Variants in ZNF521 observed in about 807,000 individuals in gnomAD.
ZNF521 encodes zinc finger protein 521.
Under a neutral mutation model 105.5 loss-of-function variants are expected in ZNF521, and 14 were observed. The ratio of observed to expected loss-of-function variants is 0.13; its 90% CI spans 0.09 to 0.21. The LOEUF is 0.21. Ranked by LOEUF, ZNF521 falls within the 10% of genes least tolerant of loss-of-function variation. The pLI is 1.00. For missense variants in ZNF521, 1,233 were observed against 1,629.7 expected, an observed-to-expected ratio of 0.76 and a Z score of 4.19; for synonymous variants, 635 against 606.0, an observed-to-expected ratio of 1.05 and a Z score of -0.70.
chr18:25,332,662 C>G (rs1913644436), intron 2 of ZNF521, among the ~76,000 whole-genome samples: 2 of 152,118 alleles, frequency 1.3e-5, no homozygotes, highest in African/African-American at 4.8e-5. Context: ...TTTAACTGCA[C>G]TTTTCATTTC....
At chr18:25,214,127 C>T (rs1331559719) in intron 4 of ZNF521, among the ~76,000 whole-genome samples, 7 of 152,114 alleles carry the variant, frequency 4.6e-5, no homozygotes. Context: ...TCCCTGTTGA[C>T]ACGATCCCAG....
chr18:25,287,374 A>T (rs986199527), intron 3 of ZNF521, among the ~76,000 whole-genome samples: 3 of 152,200 alleles, frequency 2.0e-5, no homozygotes, highest in Non-Finnish European at 2.9e-5. Flanking sequence ...TTCAGAGTGT[A>T]CTTATTACAG....
chr18:25,176,749 C>T (rs1351794058), intron 5 of ZNF521, among the ~76,000 whole-genome samples: 3 of 152,228 alleles, frequency 2.0e-5, no homozygotes, highest in African/African-American at 7.2e-5. Flanking sequence ...ATTACACCAG[C>T]TTGCCCAAGT....
chr18:25,081,903 T>G (rs560992786), intron 7 of ZNF521, among the ~76,000 whole-genome samples: 1 of 152,318 alleles, frequency 6.6e-6, no homozygotes, highest in African/African-American at 2.4e-5. Flanking sequence ...CATGTCCTGT[T>G]TGTGTCCTAT....
At chr18:25,161,297 G>A (rs2144523503) in intron 5 of ZNF521, among the ~76,000 whole-genome samples, 1 of 152,178 alleles carries the variant, frequency 6.6e-6, no homozygotes, top group East Asian at 1.9e-4. Context: ...TCAACATGAA[G>A]GATTTTAAGT....
chr18:25,225,166 T>C lies in ZNF521; in HGVS notation c.2752A>G (p.Ile918Val), dbSNP rs769008122. The C allele has an allele frequency of 6.2e-6, 10 of 1,614,132 alleles. No individual in the cohort carries two copies. The highest frequency in any genetic ancestry group is 2.2e-5 in the East Asian group (1 of 44,860). Reference protein sequence around the residue: ...DHNIRPGESAIVKKKAELIKG... With the variant: ...DHNIRPGESAVVKKKAELIKG... ...ATGAGCTCAGCTTTCTTTTTCACGATGGCACTTTCTCCAGGTCTGATGTTG... is the reference window on the plus strand; with the variant it reads ...ATGAGCTCAGCTTTCTTTTTCACGACGGCACTTTCTCCAGGTCTGATGTTG... The change falls in exon 4 of 8, where the codon ATC (isoleucine) becomes GTC (valine). Residue 918 changes from isoleucine to valine, a missense_variant. Ile to Val is a conservative substitution (Grantham distance 29). Transcript: ENST00000361524. This position sits in a 1 kb window ranked among gnomAD's most constrained non-coding sequence, Gnocchi z 5.6.
intron 5 of ZNF521, among the ~76,000 whole-genome samples, chr18:25,124,579 T>C (rs80247660): frequency 0.022 from 3,304 of 152,312 alleles, 105 homozygotes; most frequent in African/African-American, 0.073. Context: ...CCCCTTTTCT[T>C]GTCCTTAACT....
intron 5 of ZNF521, among the ~76,000 whole-genome samples, chr18:25,134,688 T>C (rs756935168): frequency 1.3e-5 from 2 of 152,100 alleles, no homozygotes; most frequent in Non-Finnish European, 2.9e-5. Context: ...AAGACTGACA[T>C]CTCTGAGATA....
intron 5 of ZNF521, among the ~76,000 whole-genome samples, chr18:25,164,618 C>T (rs1055333006): frequency 1.3e-5 from 2 of 152,146 alleles, no homozygotes; most frequent in Non-Finnish European, 1.5e-5. Context: ...TTTTTGCCCT[C>T]GCTCTGGGAC....
intron 5 of ZNF521, among the ~76,000 whole-genome samples, chr18:25,140,259 G>A (rs1255697165): frequency 6.6e-6 from 1 of 152,068 alleles, no homozygotes; most frequent in Non-Finnish European, 1.5e-5. Flanking sequence ...ATACTTGGAA[G>A]AACAAAAAGG....
intron 3 of ZNF521, among the ~76,000 whole-genome samples, chr18:25,295,036 C>T (rs1911249848): frequency 6.6e-6 from 1 of 151,956 alleles, no homozygotes; most frequent in South Asian, 2.1e-4. Flanking sequence ...ACTCATATAA[C>T]TACTATACTA....
chr18:25,149,712 TG>T (rs377603937), intron 5 of ZNF521, among the ~76,000 whole-genome samples: 34 of 152,292 alleles, frequency 2.2e-4, no homozygotes, highest in African/African-American at 8.2e-4. Context: ...CTTAAGAAGC[TG>T]GGGGCCACAG....
chr18:25,087,451 T>G (rs2033648230), intron 7 of ZNF521, among the ~76,000 whole-genome samples: 2 of 152,180 alleles, frequency 1.3e-5, no homozygotes, highest in Admixed American at 1.3e-4. Flanking sequence ...ACTAATACAG[T>G]ACAAAAGTGG....
chr18:25,088,969 G>A (rs918080901), intron 7 of ZNF521, among the ~76,000 whole-genome samples: 1 of 152,168 alleles, frequency 6.6e-6, no homozygotes. Flanking sequence ...TCAACTATAA[G>A]GCTTTGGTTA....
At position 25,226,604 on chromosome 18, in the gene ZNF521, A is replaced by C; in HGVS notation, c.1314T>G (p.Ile438Met). 1 of 1,614,202 alleles carries C rather than the reference A, an allele frequency of 6.2e-7. No homozygotes were observed. Among genetic ancestry groups the C allele is most frequent in the Non-Finnish European group, 8.5e-7 (1 of 1,180,014 alleles). The change falls in exon 4 of 8, where the codon ATT becomes ATG. Residue 438 changes from isoleucine to methionine, a missense_variant. By Grantham distance (10) the Ile-to-Met change is conservative. Transcript: ENST00000361524. The surrounding 1 kb of genome is among the most constrained non-coding windows in gnomAD (Gnocchi z 4.1). ...MHLDKPEQAH[I>M]CQYCLEVLPS... is the part of the protein sequence containing the mutation. ...GCAGGACCTCCAAGCAATACTGACA[A>C]ATATGGGCCTGTTCTGGCTTATCTA...
Position 25,215,440 on chromosome 18 carries a change from T to TTCATCATTTAAAA in ZNF521, c.3573+8892_3573+8904dup, listed in dbSNP as rs533011406. ...TCCGGAATATAGCTTTCACTTTTCTTTCATCATTTAAAATCATCCTGACTA... is the reference window on the plus strand; with the variant it reads ...TCCGGAATATAGCTTTCACTTTTCTTTCATCATTTAAAATCATCATTTAAAATCATCCTGACTA... On this transcript the variant is annotated intron_variant, in intron 4 of 7. Transcript: ENST00000361524. 2.3e-3 allele frequency among the ~76,000 whole-genome samples: 350 copies of TTCATCATTTAAAA among 152,244 alleles called. 2 individuals carry two copies. Among genetic ancestry groups the TTCATCATTTAAAA allele is most frequent in the African/African-American group, 7.8e-3 (326 of 41,538 alleles).
chr18:25,063,432 C>T (rs929966415), intron 7 of ZNF521, among the ~76,000 whole-genome samples: 11 of 152,154 alleles, frequency 7.2e-5, no homozygotes, highest in Non-Finnish European at 4.4e-5. Flanking sequence ...TCTTTCTCAG[C>T]TGACACAGCC....
intron 5 of ZNF521, among the ~76,000 whole-genome samples, chr18:25,167,724 A>G (rs1567991469): frequency 6.6e-6 from 1 of 152,158 alleles, no homozygotes; most frequent in Non-Finnish European, 1.5e-5. Context: ...TTTATGATAC[A>G]AACTGGAGTT....
chr18:25,112,485 G>C, intron 5 of ZNF521, among the ~76,000 whole-genome samples: 1 of 152,148 alleles, frequency 6.6e-6, no homozygotes, highest in Non-Finnish European at 1.5e-5. Context: ...AACAGGGCTA[G>C]CTAAACTGCT....
Sources: allele counts gnomAD v4.1 joint callset (sites outside exome capture counted in the v4.1 genomes callset), GRCh38; gene constraint gnomAD v4.1.1; non-coding constraint Gnocchi (gnomAD v3.1); transcripts MANE v1.5; gene names NCBI Gene and HGNC (gene_info 2026-07-23, HGNC 2026-07-21).